The following MMS19 variants were observed in gnomAD, a reference collection of about 807,000 sequenced individuals.
The protein encoded by MMS19 is MMS19 cytosolic iron-sulfur assembly component.
In MMS19, 77 loss-of-function variants were observed where a neutral mutation model predicts 129.8. That is an observed-to-expected ratio of 0.59 (90% CI 0.49 to 0.72). MMS19 has a LOEUF of 0.72. Ranked by LOEUF, MMS19 falls within the 30% of genes least tolerant of loss-of-function variation. MMS19 has a pLI of 0.00. For missense variants in MMS19, 1,168 were observed against 1,266.3 expected, an observed-to-expected ratio of 0.92 and a Z score of 1.18; for synonymous variants, 491 against 502.8, an observed-to-expected ratio of 0.98 and a Z score of 0.31.
chr10:97,473,733 A>C (rs577860925), intron 8 of MMS19, among the ~76,000 whole-genome samples: 1 of 152,292 alleles, frequency 6.6e-6, no homozygotes, highest in South Asian at 2.1e-4. Flanking sequence ...TGTTGATAAC[A>C]AAAGTTCTAT....
chr10:97,464,137 A>G, intron 18 of MMS19, 124 bp from the exon 19 acceptor site: 1 of 822,458 alleles, frequency 1.2e-6, no homozygotes, highest in African/African-American at 1.7e-5. Flanking sequence ...CTTATTAAAA[A>G]GCTGAGTCAC....
chr10:97,484,963 G>A (rs905981023), intron 1 of MMS19, among the ~76,000 whole-genome samples: 2 of 152,004 alleles, frequency 1.3e-5, no homozygotes, highest in African/African-American at 2.4e-5. Flanking sequence ...GTATTTCTTT[G>A]TAGAGATGGG....
chr10:97,459,484 C>T lies in MMS19; in HGVS notation c.2782G>A (p.Val928Met), dbSNP rs779217241. The T allele has an allele frequency of 1.2e-5, 19 of 1,613,204 alleles. No homozygotes were observed. In the East Asian group the frequency reaches 4.0e-4, roughly 34 times the overall value. ...CAGCTGAGGGTGGAGAGCTGCACCA[C>T]ACAGTCAGGGCAGGACAGGGCCTCC... ...LLEALSCPDC[V>M]VQLSTLSCLQ... Residue 928 changes from valine to methionine, a missense_variant, in exon 28 of 31, where the codon GTG becomes ATG. Around this residue, in one of 3 missense-constraint regions of MMS19, gnomAD observed 831 missense variants for 910.8 expected, o/e 0.91. Coordinates refer to ENST00000438925, the MANE Select transcript of MMS19 (RefSeq NM_022362.5).
chr10:97,498,194 T>G, intron 1 of MMS19, 79 bp downstream of exon 1: 1 of 1,363,154 alleles, frequency 7.3e-7, no homozygotes, highest in Non-Finnish European at 9.8e-7. Flanking sequence ...CGCTCCTCCC[T>G]TCCCGCCCGG....
chr10:97,466,741 C>G, intron 15 of MMS19, 35 bp downstream of exon 15: 2 of 1,613,672 alleles, frequency 1.2e-6, no homozygotes, highest in Non-Finnish European at 1.7e-6. Context: ...AGAAAAGGAC[C>G]AATATTTTCC....
rs12360068 is a variant in MMS19 at position 97,465,888 on chromosome 10, G to A, written c.1673C>T (p.Ala558Val). Residue 558 changes from alanine to valine, a missense_variant, in exon 18 of 31, where the codon GCC (alanine) becomes GTC (valine). Ala to Val is a moderately conservative substitution (Grantham distance 64, BLOSUM62 0). Around this residue, in one of 3 missense-constraint regions of MMS19, gnomAD observed 831 missense variants for 910.8 expected, o/e 0.91. Transcript: ENST00000438925. ...QCSRHLCCLQ[A>V]LSAVSTHPSI... The stretch of plus-strand genomic sequence containing the variant: ...GGGATGTGTTGATACAGCTGACAAG[G>A]CTTGCAGACAGCACAGATGCCGGGA... 64,897 of 1,613,910 alleles carry A rather than the reference G, an allele frequency of 0.04. 1,525 individuals carry two copies. Among genetic ancestry groups the A allele is most frequent in the Non-Finnish European group, 0.048 (56,130 of 1,179,846 alleles).
intron 8 of MMS19, among the ~76,000 whole-genome samples, chr10:97,472,239 A>T (rs1000842442): frequency 6.6e-6 from 1 of 152,208 alleles, no homozygotes; most frequent in Non-Finnish European, 1.5e-5. Flanking sequence ...CTAGATAACT[A>T]GGCTTATTTA....
intron 8 of MMS19, 87 bp downstream of exon 8, chr10:97,476,596 G>T (rs2035823688): frequency 8.1e-7 from 1 of 1,233,142 alleles, no homozygotes; most frequent in Non-Finnish European, 1.2e-6. Flanking sequence ...CTATTTTGGT[G>T]ACCTGTACCC....
chr10:97,460,179 G>C lies in MMS19; in HGVS notation c.2523C>G (p.Phe841Leu). 1 of 1,614,012 alleles carries C rather than the reference G, an allele frequency of 6.2e-7. No individual in the cohort carries two copies. Among genetic ancestry groups the C allele is most frequent in the Non-Finnish European group, 8.5e-7 (1 of 1,179,888 alleles). ...CAGTGCAGTCAGACATGAGCAGAGA[G>C]AAGCCATCAGCTGCTGCTGGACCTA... ...PELGPAAADG[F>L]SLLMSDCTDV... The change falls in exon 26 of 31, where the codon TTC (phenylalanine) becomes TTG (leucine). Residue 841 changes from phenylalanine (F) to leucine (L), a missense_variant. By Grantham distance (22) the Phe-to-Leu change is conservative. Around this residue, in one of 3 missense-constraint regions of MMS19, gnomAD observed 831 missense variants for 910.8 expected, o/e 0.91. Coordinates refer to ENST00000438925, the MANE Select transcript of MMS19 (RefSeq NM_022362.5).
intron 18 of MMS19, 109 bp downstream of exon 18, chr10:97,465,696 A>G: frequency 2.6e-6 from 3 of 1,141,300 alleles, no homozygotes; most frequent in Non-Finnish European, 3.7e-6. Flanking sequence ...TTTTCTTTTA[A>G]AAGAGTTGAT....
intron 3 of MMS19, among the ~76,000 whole-genome samples, chr10:97,479,240 T>C (rs2135421204): frequency 6.6e-6 from 1 of 152,316 alleles, no homozygotes; most frequent in Non-Finnish European, 1.5e-5. Flanking sequence ...AGAACCCTGG[T>C]GTTCCTCCAC....
chr10:97,488,633 C>G (rs143310422), intron 1 of MMS19, among the ~76,000 whole-genome samples: 20 of 152,172 alleles, frequency 1.3e-4, no homozygotes, highest in African/African-American at 4.6e-4. Flanking sequence ...CTAAGTGCTA[C>G]GCAAATAGTT....
chr10:97,477,003 C>A (rs2035897227), intron 6 of MMS19, 40 bp from the exon 7 acceptor site: 1 of 1,611,392 alleles, frequency 6.2e-7, no homozygotes, highest in African/African-American at 1.3e-5. Flanking sequence ...TGTCCCACAG[C>A]ACAGAAAGTG....
chr10:97,459,896 G>A, intron 26 of MMS19, 150 bp downstream of exon 26: 1 of 1,010,926 alleles, frequency 9.9e-7, no homozygotes, highest in South Asian at 1.6e-5. Flanking sequence ...ATGAAAGGAA[G>A]AAGTGGGACA....
Position 97,469,025 on chromosome 10 carries a change from G to C in MMS19, c.1004C>G (p.Ser335Cys), listed in dbSNP as rs1205471703. ...GTCCTCAGCATCAGCCCTCAGCACAGAGCGAGACAAACACGCAGTCAGGGA... is the reference window on the plus strand; with the variant it reads ...GTCCTCAGCATCAGCCCTCAGCACACAGCGAGACAAACACGCAGTCAGGGA... The part of the protein sequence containing the change: ...LHSLTACLSR[S>C]VLRADAEDLL... Residue 335 changes from serine to cysteine, a missense_variant, in exon 12 of 31, where the codon TCT (serine) becomes TGT (cysteine). By Grantham distance (112) the Ser-to-Cys change is moderately radical. Around this residue, in one of 3 missense-constraint regions of MMS19, gnomAD observed 831 missense variants for 910.8 expected, o/e 0.91. Coordinates refer to ENST00000438925, the MANE Select transcript of MMS19 (RefSeq NM_022362.5). The C allele has an allele frequency of 1.9e-6, 3 of 1,586,958 alleles. No homozygotes were observed. The highest frequency in any genetic ancestry group is 2.6e-6 in the Non-Finnish European group (3 of 1,166,728).
At position 97,462,096 on chromosome 10, in the gene MMS19, T is replaced by C; in HGVS notation, c.2036A>G (p.His679Arg). 1 of 1,583,072 alleles carries C rather than the reference T, an allele frequency of 6.3e-7. No individual in the cohort carries two copies. Among genetic ancestry groups the C allele is most frequent in the Non-Finnish European group, 8.6e-7 (1 of 1,164,156 alleles). ...GCCATCCAAGAAGAGGGGCACAATG[T>C]GTGTCACACTCTGGGCAGCTAACCT... Reference protein sequence around the residue: ...SPELAAQSVTHIVPLFLDGNV... With the variant: ...SPELAAQSVTRIVPLFLDGNV... The change falls in exon 21 of 31, where the codon CAC becomes CGC. Residue 679 changes from histidine (H) to arginine (R), a missense_variant. Transcript: ENST00000438925.
intron 11 of MMS19, 69 bp from the exon 12 acceptor site, chr10:97,469,173 C>CT: frequency 7.3e-6 from 11 of 1,505,366 alleles, no homozygotes; most frequent in Non-Finnish European, 9.7e-6. Flanking sequence ...AATCCACTGC[C>CT]TATTTCCTTG....
chr10:97,462,527 T>C, intron 20 of MMS19, 56 bp downstream of exon 20: 1 of 1,316,808 alleles, frequency 7.6e-7, no homozygotes, highest in Non-Finnish European at 1.1e-6. Context: ...TGTTGCTTCT[T>C]CCTAAGAATG....
Position 97,459,170 on chromosome 10 carries a change from T to C in MMS19, c.2964+53A>G. ...CACCTGACTAAGGCAAAAAGGTACT[T>C]ATGTGTCTCTTGAGATGTTCCCAGG... On this transcript the variant is annotated intron_variant, in intron 29 of 30. Transcript: ENST00000438925. 3.2e-6 allele frequency: 5 copies of C among 1,558,850 alleles called. No individual in the cohort carries two copies. The South Asian group carries it at 5.9e-5, about 18-fold the overall frequency.
Sources: gnomAD v4.1 joint callset for allele counts (sites outside exome capture counted in the v4.1 genomes callset) on GRCh38, gnomAD v4.1.1 for gene constraint, gnomAD v4.1.1 regional missense constraint, MANE v1.5 for transcripts, NCBI Gene and HGNC (gene_info 2026-07-23, HGNC 2026-07-21) for gene names.